PUS7: variants seen among roughly 807,000 people sequenced by gnomAD.
PUS7 encodes pseudouridylate synthase 7 homolog.
PUS7 carries 48 observed loss-of-function variants against 79.8 expected under a neutral mutation model. That is an observed-to-expected ratio of 0.60 (90% CI 0.48 to 0.76). The LOEUF (loss-of-function observed/expected upper bound fraction) is 0.76. Among genes scored for constraint, PUS7 ranks in the 30% least tolerant of loss-of-function variants. PUS7 has a pLI of 0.00. For synonymous variants in PUS7, 286 were observed against 272.2 expected (o/e 1.05, Z -0.50); for missense variants, 729 against 797.6 (o/e 0.91, Z 1.04).
chr7:105,486,402 CT>C (rs1824552391), intron 7 of PUS7, among the ~76,000 whole-genome samples: 1 of 151,672 alleles, frequency 6.6e-6, no homozygotes, highest in Admixed American at 6.6e-5. Context: ...CTTTTTCTTC[CT>C]TTTTTAGAGA....
rs901087518 is a variant in PUS7, at chr7:105,511,284, C to G, written c.-32-2740G>C. Reference sequence around the variant, plus strand: ...TCCTGACCTCATGATTTGCCCGCCTCGGCCTCCCAAAGTGCTGAGATTACA... The same window carrying G: ...TCCTGACCTCATGATTTGCCCGCCTGGGCCTCCCAAAGTGCTGAGATTACA... On this transcript the variant is annotated intron_variant, in intron 1 of 15. Coordinates refer to ENST00000469408, the MANE Select transcript of PUS7 (RefSeq NM_019042.5). 4.0e-5 allele frequency among the ~76,000 whole-genome samples: 6 copies of G among 151,166 alleles called. No individual in the cohort carries two copies. The East Asian group carries it at 9.9e-4, about 25-fold the overall frequency.
chr7:105,496,216 T>TAGAG (rs1335946389), intron 5 of PUS7, among the ~76,000 whole-genome samples: 789 of 76,556 alleles, frequency 0.01, 4 homozygotes, highest in South Asian at 0.015. Context: ...TATATATATA[T>TAGAG]ATATATATAT....
In PUS7 at chr7:105,472,039, C is replaced by A. The variant is rs974657669; in HGVS notation, c.1237+93G>T. ...AACAAATAAAATACTGAAACAACAA[C>A]GTCAATTTGCACAAAAGCTTTTATT... is the stretch of plus-strand genomic sequence containing the variant. On this transcript the variant is annotated intron_variant, in intron 10 of 15. Coordinates refer to ENST00000469408, the MANE Select transcript of PUS7 (RefSeq NM_019042.5). 8.1e-6 allele frequency: 6 copies of A among 737,022 alleles called. No individual in the cohort carries two copies. In the East Asian group the frequency reaches 1.4e-4, roughly 17 times the overall value. The allele number at this position is 737,022 out of a possible 1,614,324, so 45.7% of individuals were successfully genotyped here.
intron 5 of PUS7, among the ~76,000 whole-genome samples, chr7:105,500,445 C>A (rs769649435): frequency 1.3e-5 from 2 of 152,142 alleles, no homozygotes; most frequent in African/African-American, 2.4e-5. Flanking sequence ...GCCCTCCACC[C>A]TCTCACAAAA....
chr7:105,475,544 G>A (rs1415002622), intron 9 of PUS7, among the ~76,000 whole-genome samples: 12 of 151,718 alleles, frequency 7.9e-5, no homozygotes, highest in East Asian at 3.9e-4. Context: ...GGATGGTCTC[G>A]ATCTCCTGAC....
chr7:105,463,817 T>C (rs1823531540), intron 13 of PUS7, among the ~76,000 whole-genome samples: 2 of 152,222 alleles, frequency 1.3e-5, no homozygotes, highest in Non-Finnish European at 2.9e-5. Flanking sequence ...TGAAATTGTG[T>C]TTTTAAAATT....
chr7:105,515,228 G>C (rs1005883441), intron 1 of PUS7, among the ~76,000 whole-genome samples: 2 of 152,120 alleles, frequency 1.3e-5, no homozygotes. Context: ...TCCCCAAAAA[G>C]AAACACTGCC....
At chr7:105,510,069 G>A (rs1173672081) in intron 1 of PUS7, among the ~76,000 whole-genome samples, 1 of 152,168 alleles carries the variant, frequency 6.6e-6, no homozygotes, top group Non-Finnish European at 1.5e-5. Context: ...GGGAGGCTGA[G>A]GCAGGCAGAT....
rs1825293294 is a variant in PUS7 at position 105,502,456 on chromosome 7, C to A, written c.694G>T (p.Val232Leu). ...TTTTTCCCAGCTGCGTGGTAGGCTA[C>A]AATGTATTTCTTCCCCTCCCTATCC... ...TEDREGKKYI[V>L]AYHAAGKKAL... The change falls in exon 5 of 16, where the codon GTA becomes TTA. Residue 232 changes from valine (V) to leucine (L), a missense_variant. By Grantham distance (32) the Val-to-Leu change is conservative (BLOSUM62 1). Transcript: ENST00000469408. 6.2e-7 allele frequency: 1 copy of A among 1,614,138 alleles called. No homozygotes were observed.
At position 105,457,819 on chromosome 7, in the gene PUS7, T is replaced by C; in HGVS notation, c.1957A>G (p.Thr653Ala). The change falls in exon 16 of 16, where the codon ACG becomes GCG. Residue 653 changes from threonine (T) to alanine (A), a missense_variant. Coordinates refer to ENST00000469408, the MANE Select transcript of PUS7 (RefSeq NM_019042.5). The part of the protein sequence containing the change: ...LKMDTSIKNQ[T>A]QLNTTWLR ...CGAAGCCAGGTTGTATTCAGCTGCG[T>C]CTGGTTCTTGATACTGGTATCCATT... 1 of 1,614,144 alleles carries C rather than the reference T, an allele frequency of 6.2e-7. No homozygotes were observed. Among genetic ancestry groups the C allele is most frequent in the Non-Finnish European group, 8.5e-7 (1 of 1,179,986 alleles).
At chr7:105,480,514 T>A (rs944591766) in intron 9 of PUS7, among the ~76,000 whole-genome samples, 1 of 151,916 alleles carries the variant, frequency 6.6e-6, no homozygotes, top group African/African-American at 2.4e-5. Context: ...TGGAGGCTCA[T>A]GCCTGTAATC....
rs199596721 is a variant in PUS7 at position 105,457,850 on chromosome 7, C to T, written c.1926G>A (p.Val642=). The change falls in exon 16 of 16, where the codon GTG becomes GTA. Residue 642 remains valine (V), a synonymous_variant. Coordinates refer to ENST00000469408, the MANE Select transcript of PUS7 (RefSeq NM_019042.5). The part of the protein sequence containing the change: ...STYATMAIRE[V]LKMDTSIKNQ... ...TCTTGATACTGGTATCCATTTTTAG[C>T]ACTTCTCGAATGGCCATGGTGGCGT... The T allele has an allele frequency of 4.8e-5, 77 of 1,614,074 alleles. No homozygotes were observed. Among genetic ancestry groups the T allele is most frequent in the Middle Eastern group, 1.6e-4 (1 of 6,062 alleles).
chr7:105,475,693 T>C lies in PUS7; in HGVS notation c.1176-3500A>G, dbSNP rs143304024. Reference sequence around the variant, plus strand: ...TTTTATTTTATTGTGGTAAAATACATGTAATAACATTTACCTTTTTGGCTA... The same window carrying C: ...TTTTATTTTATTGTGGTAAAATACACGTAATAACATTTACCTTTTTGGCTA... On this transcript the variant is annotated intron_variant, in intron 9 of 15. Coordinates refer to ENST00000469408, the MANE Select transcript of PUS7 (RefSeq NM_019042.5). 6.0e-3 allele frequency among the ~76,000 whole-genome samples: 908 copies of C among 152,304 alleles called. 7 individuals carry two copies. The highest frequency in any genetic ancestry group is 0.021 in the African/African-American group (860 of 41,586).
chr7:105,494,039 C>T (rs892410552), intron 6 of PUS7, among the ~76,000 whole-genome samples: 7 of 152,114 alleles, frequency 4.6e-5, no homozygotes, highest in Admixed American at 6.6e-5. Flanking sequence ...GGCACCTTGC[C>T]GATCCCCAGA....
intron 7 of PUS7, among the ~76,000 whole-genome samples, chr7:105,483,353 T>C (rs2133137382): frequency 6.6e-6 from 1 of 152,048 alleles, no homozygotes; most frequent in East Asian, 1.9e-4. Flanking sequence ...TTAGTACAGA[T>C]GGGGTTTCAC....
At chr7:105,492,714 A>G (rs1410957560) in intron 6 of PUS7, among the ~76,000 whole-genome samples, 2 of 151,250 alleles carry the variant, frequency 1.3e-5, no homozygotes, top group Non-Finnish European at 2.9e-5. Flanking sequence ...ACCGTTTTTT[A>G]GCCGGGATGG....
In PUS7 at chr7:105,508,349, C is replaced by G. The variant is rs774257731; in HGVS notation, c.164G>C (p.Ser55Thr). The change falls in exon 2 of 16, where the codon AGT becomes ACT. Residue 55 changes from serine (S) to threonine (T), a missense_variant. Coordinates refer to ENST00000469408, the MANE Select transcript of PUS7 (RefSeq NM_019042.5). ...DGLQNDFLSI[S>T]EDVPRPPDTV... Reference sequence around the variant, plus strand: ...GTCAGGAGGCCGAGGCACGTCTTCACTGATGGACAGAAAGTCATTCTGTAG... The same window carrying G: ...GTCAGGAGGCCGAGGCACGTCTTCAGTGATGGACAGAAAGTCATTCTGTAG... 6.2e-7 allele frequency: 1 copy of G among 1,614,112 alleles called. No individual in the cohort carries two copies. Among genetic ancestry groups the G allele is most frequent in the South Asian group, 1.1e-5 (1 of 91,084 alleles).
At chr7:105,461,656 T>C (rs566406760) in intron 14 of PUS7, among the ~76,000 whole-genome samples, 1 of 152,226 alleles carries the variant, frequency 6.6e-6, no homozygotes, top group African/African-American at 2.4e-5. Flanking sequence ...AGTACAGTCA[T>C]GCACTGCTTA....
intron 1 of PUS7, among the ~76,000 whole-genome samples, chr7:105,513,088 T>A (rs73190155): frequency 0.14 from 20,885 of 152,188 alleles, 1,862 homozygotes; most frequent in South Asian, 0.26. Flanking sequence ...TGTTGCAGGT[T>A]CCTGGGGAGA....
Sources: allele counts gnomAD v4.1 joint callset (sites outside exome capture counted in the v4.1 genomes callset), GRCh38; gene constraint gnomAD v4.1.1; transcripts MANE v1.5; gene names NCBI Gene and HGNC (gene_info 2026-07-23, HGNC 2026-07-21).